The following PCDH9 variants were observed in gnomAD, a reference collection of about 807,000 sequenced individuals.
PCDH9 encodes protocadherin-9.
Under a neutral mutation model 70.6 loss-of-function variants are expected in PCDH9, and 24 were observed. That is an observed-to-expected ratio of 0.34 (90% CI 0.25 to 0.48). PCDH9 has a LOEUF of 0.48. PCDH9 is among the 20% of genes least tolerant of loss of function. The pLI, the probability that PCDH9 is intolerant of heterozygous loss-of-function variation, is 0.99. For missense variants in PCDH9, 1,281 were observed against 1,503.6 expected, an observed-to-expected ratio of 0.85 and a Z score of 2.45; for synonymous variants, 562 against 558.5, an observed-to-expected ratio of 1.01 and a Z score of -0.09.
intron 2 of PCDH9, among the ~76,000 whole-genome samples, chr13:67,084,997 A>AAAT (rs1566414172): frequency 9.0e-5 from 3 of 33,200 alleles, no homozygotes; most frequent in Non-Finnish European, 1.6e-4. Context: ...AAAAAAAAAA[A>AAAT]ATATATATAT....
intron 3 of PCDH9, among the ~76,000 whole-genome samples, chr13:66,699,734 G>C (rs76808243): frequency 2.0e-5 from 3 of 152,012 alleles, no homozygotes; most frequent in Non-Finnish European, 2.9e-5. Flanking sequence ...TAAATTTCTC[G>C]CAATAAATTA....
At chr13:66,857,686 T>C (rs768870190) in intron 3 of PCDH9, among the ~76,000 whole-genome samples, 5 of 152,178 alleles carry the variant, frequency 3.3e-5, no homozygotes, top group African/African-American at 7.2e-5. Context: ...TTTTTCTATG[T>C]ATAATCATCC....
intron 2 of PCDH9, among the ~76,000 whole-genome samples, chr13:67,033,978 GT>G (rs895837197): frequency 3.3e-5 from 5 of 151,896 alleles, no homozygotes; most frequent in African/African-American, 1.2e-4. Flanking sequence ...AAAGGATTGT[GT>G]TTTTTTGTTT....
chr13:66,847,105 A>C (rs889743795), intron 3 of PCDH9, among the ~76,000 whole-genome samples: 1 of 152,190 alleles, frequency 6.6e-6, no homozygotes. Flanking sequence ...CACTAAACCT[A>C]TTAAGTAACC....
rs1253289641 is a variant in PCDH9 at position 66,739,931 on chromosome 13, A to G, written c.3139-108520T>C. Among the ~76,000 whole-genome samples the G allele has an allele frequency of 2.1e-3, 312 of 149,404 alleles. 3 individuals are homozygous for G. The highest frequency in any genetic ancestry group is 7.1e-3 in the African/African-American group (289 of 40,472). Reference sequence around the variant, plus strand: ...CCCACTGTCAACATTAGACAGATCAACGAGACAGAAAGTCAACAAGGATAC... The same window carrying G: ...CCCACTGTCAACATTAGACAGATCAGCGAGACAGAAAGTCAACAAGGATAC... On this transcript the variant is annotated intron_variant, in intron 3 of 4. Transcript: ENST00000377865.
At chr13:66,775,968 C>A (rs1204660654) in intron 3 of PCDH9, among the ~76,000 whole-genome samples, 3 of 152,130 alleles carry the variant, frequency 2.0e-5, no homozygotes. Context: ...GTGTTTCCAT[C>A]CACCATGTTG....
intron 4 of PCDH9, among the ~76,000 whole-genome samples, chr13:66,405,133 T>C (rs1038599662): frequency 2.0e-5 from 3 of 152,174 alleles, no homozygotes; most frequent in Non-Finnish European, 4.4e-5. Flanking sequence ...AGATAGTTAC[T>C]TTTTGTCCAT....
chr13:67,048,540 T>C (rs1322293874), intron 2 of PCDH9, among the ~76,000 whole-genome samples: 10 of 152,110 alleles, frequency 6.6e-5, no homozygotes, highest in Admixed American at 6.6e-4. Flanking sequence ...CACAGATGTA[T>C]ATTCTCAGCC....
At chr13:66,678,327 A>G (rs2078272440) in intron 3 of PCDH9, among the ~76,000 whole-genome samples, 1 of 152,082 alleles carries the variant, frequency 6.6e-6, no homozygotes, top group African/African-American at 2.4e-5. Flanking sequence ...GTGTGTATAT[A>G]AATTAACGCA....
chr13:66,746,901 C>T (rs879838951), intron 3 of PCDH9, among the ~76,000 whole-genome samples: 2 of 152,018 alleles, frequency 1.3e-5, no homozygotes, highest in Admixed American at 6.6e-5. Context: ...TTGTGTGAGA[C>T]TACTAAATGT....
chr13:66,631,405 G>A lies in PCDH9; in HGVS notation c.3145C>T (p.Arg1049Cys), dbSNP rs776798396. Residue 1049 changes from arginine to cysteine, a missense_variant, in exon 4 of 5, where the codon CGC becomes TGC. Arg to Cys is a radical substitution (Grantham distance 180, BLOSUM62 -3). This residue lies in a region of PCDH9 where 264 missense variants were observed against 278.8 expected (regional missense o/e 0.95). Coordinates refer to ENST00000377865, the MANE Select transcript of PCDH9 (RefSeq NM_203487.3). ...ENEESHYESQ[R>C]RVTFHLPDGS... is the part of the protein sequence containing the mutation. ...TCAGGGAGATGAAACGTAACACGGC[G>A]CTGCGACTACAAAGAAGACCACAGG... 1.3e-5 allele frequency: 21 copies of A among 1,599,800 alleles called. No homozygotes were observed. The highest frequency in any genetic ancestry group is 2.2e-5 in the East Asian group (1 of 44,814).
Position 67,142,200 on chromosome 13 carries a change from A to C in PCDH9, c.3036+83205T>G, listed in dbSNP as rs2087409947. The stretch of plus-strand genomic sequence containing the variant: ...GTTCTGCTACCGTAAGTTTTTAAAA[A>C]ATCAAACAGAATTAAAATTTTGTAC... On this transcript the variant is annotated intron_variant, in intron 2 of 4. Coordinates refer to ENST00000377865, the MANE Select transcript of PCDH9 (RefSeq NM_203487.3). 1.3e-5 allele frequency among the ~76,000 whole-genome samples: 2 copies of C among 152,204 alleles called. 1 individual carries two copies. The highest frequency in any genetic ancestry group is 4.1e-4 in the South Asian group (2 of 4,826).
chr13:66,978,919 A>G (rs961163379), intron 2 of PCDH9, among the ~76,000 whole-genome samples: 1 of 151,620 alleles, frequency 6.6e-6, no homozygotes, highest in African/African-American at 2.4e-5. Context: ...ACATACAGTT[A>G]CATAGATATA....
At chr13:66,349,771 C>T (rs181990691) in intron 4 of PCDH9, among the ~76,000 whole-genome samples, 3,952 of 152,136 alleles carry the variant, frequency 0.026, 75 homozygotes, top group Non-Finnish European at 0.038. Context: ...ATACCAGTTA[C>T]GAGCTAAGAG....
At chr13:66,893,010 T>A (rs10507740) in intron 3 of PCDH9, among the ~76,000 whole-genome samples, 4,513 of 152,236 alleles carry the variant, frequency 0.03, 235 homozygotes, top group African/African-American at 0.1. Flanking sequence ...GGATCATGCG[T>A]GACCTAGGCC....
chr13:66,638,256 C>T (rs964088689), intron 3 of PCDH9, among the ~76,000 whole-genome samples: 1 of 152,146 alleles, frequency 6.6e-6, no homozygotes, highest in Non-Finnish European at 1.5e-5. Context: ...TTTTGACCAG[C>T]AGCTGTGTCA....
At chr13:66,774,969 A>G (rs1015379494) in intron 3 of PCDH9, among the ~76,000 whole-genome samples, 6 of 152,204 alleles carry the variant, frequency 3.9e-5, no homozygotes, top group African/African-American at 1.4e-4. Flanking sequence ...TTTTCTAAGT[A>G]TATGACATTG....
At chr13:66,478,566 A>G (rs1958775395) in intron 4 of PCDH9, among the ~76,000 whole-genome samples, 1 of 152,180 alleles carries the variant, frequency 6.6e-6, no homozygotes, top group Non-Finnish European at 1.5e-5. Context: ...TGATTTTAAA[A>G]ACTGAAACAG....
chr13:66,803,368 G>T (rs2080356804), intron 3 of PCDH9, among the ~76,000 whole-genome samples: 1 of 152,120 alleles, frequency 6.6e-6, no homozygotes, highest in South Asian at 2.1e-4. Context: ...ACATTTAAGA[G>T]CTAAATTAAA....
Sources: allele counts gnomAD v4.1 joint callset (sites outside exome capture counted in the v4.1 genomes callset), GRCh38; gene constraint gnomAD v4.1.1; regional missense constraint gnomAD v4.1.1; transcripts MANE v1.5; gene names NCBI Gene and HGNC (gene_info 2026-07-23, HGNC 2026-07-21).